Variants in DLG2 observed in about 807,000 individuals in gnomAD.
DLG2 encodes the protein discs large MAGUK scaffold protein 2.
In DLG2, 45 loss-of-function variants were observed where a neutral mutation model predicts 132.5. That is an observed-to-expected ratio of 0.34 (90% CI 0.27 to 0.44). The LOEUF is 0.44. DLG2 is among the 20% of genes least tolerant of loss of function. The pLI, the probability that DLG2 is intolerant of heterozygous loss-of-function variation, is 1.00. For synonymous variants in DLG2, 424 were observed against 419.6 expected, an observed-to-expected ratio of 1.01 and a Z score of -0.13; for missense variants, 1,045 against 1,196.9, an observed-to-expected ratio of 0.87 and a Z score of 1.87.
chr11:83,718,472 C>G (rs962979766), intron 18 of DLG2, among the ~76,000 whole-genome samples: 1 of 134,644 alleles, frequency 7.4e-6, no homozygotes, highest in Admixed American at 8.4e-5. Context: ...TGCAGTGGGC[C>G]GAGATTGTGC....
At chr11:84,735,489 T>C (rs903733809) in intron 6 of DLG2, among the ~76,000 whole-genome samples, 2 of 152,172 alleles carry the variant, frequency 1.3e-5, no homozygotes, top group African/African-American at 4.8e-5. Context: ...TGATATCCCT[T>C]TTATCATTTT....
intron 14 of DLG2, among the ~76,000 whole-genome samples, chr11:83,945,811 T>TGTGC (rs1253338255): frequency 2.1e-5 from 3 of 142,550 alleles, no homozygotes; most frequent in Non-Finnish European, 3.0e-5. Flanking sequence ...TGCCTCTGTG[T>TGTGC]GTGTGTGTGT....
intron 6 of DLG2, among the ~76,000 whole-genome samples, chr11:84,541,184 GTAT>G (rs147766940): frequency 0.18 from 25,217 of 143,410 alleles, 2,186 homozygotes; most frequent in Middle Eastern, 0.22. Flanking sequence ...AGAACTTGAA[GTAT>G]TATAATAATA....
At chr11:85,082,130 T>C (rs756379073) in intron 6 of DLG2, among the ~76,000 whole-genome samples, 22 of 152,188 alleles carry the variant, frequency 1.4e-4, no homozygotes, top group Admixed American at 3.3e-4. Flanking sequence ...AAAAAATCTA[T>C]GCCTTCTTTT....
intron 6 of DLG2, among the ~76,000 whole-genome samples, chr11:84,558,799 T>C (rs570880168): frequency 3.9e-5 from 6 of 152,158 alleles, no homozygotes; most frequent in Non-Finnish European, 7.4e-5. Flanking sequence ...GTGAAGGCTA[T>C]TGATTCCTTA....
At chr11:84,669,590 C>G (rs2099703523) in intron 6 of DLG2, among the ~76,000 whole-genome samples, 1 of 152,112 alleles carries the variant, frequency 6.6e-6, no homozygotes, top group South Asian at 2.1e-4. Flanking sequence ...TACGGAAGAA[C>G]AATATGCTTT....
chr11:83,476,529 C>A (rs940771079), intron 22 of DLG2, among the ~76,000 whole-genome samples: 4 of 152,096 alleles, frequency 2.6e-5, no homozygotes, highest in Non-Finnish European at 5.9e-5. Flanking sequence ...AAATTCATGG[C>A]AAATTGTCTC....
chr11:85,289,754 G>C (rs1647614020), intron 3 of DLG2, among the ~76,000 whole-genome samples: 1 of 152,066 alleles, frequency 6.6e-6, no homozygotes, highest in African/African-American at 2.4e-5. Context: ...CTGAACACTT[G>C]GTTCTGCTTA....
At chr11:84,266,870 T>C (rs2097645377) in intron 7 of DLG2, among the ~76,000 whole-genome samples, 1 of 152,234 alleles carries the variant, frequency 6.6e-6, no homozygotes, top group Admixed American at 6.5e-5. Context: ...ATTCCATCTA[T>C]GCAGATTTAC....
intron 6 of DLG2, among the ~76,000 whole-genome samples, chr11:85,029,999 C>T (rs1174566370): frequency 6.6e-6 from 1 of 152,144 alleles, no homozygotes; most frequent in African/African-American, 2.4e-5. Flanking sequence ...TGTTTCTGTA[C>T]CTCACTTCTG....
chr11:84,538,379 T>A (rs1406870449), intron 6 of DLG2, among the ~76,000 whole-genome samples: 1 of 152,214 alleles, frequency 6.6e-6, no homozygotes, highest in Non-Finnish European at 1.5e-5. Flanking sequence ...AAGGCTCATA[T>A]CTGCATACTT....
intron 7 of DLG2, among the ~76,000 whole-genome samples, chr11:84,263,856 A>G (rs750906467): frequency 1.8e-4 from 28 of 152,226 alleles, no homozygotes; most frequent in Non-Finnish European, 3.2e-4. Flanking sequence ...GTTATCCATC[A>G]GTAATCTGTA....
intron 6 of DLG2, among the ~76,000 whole-genome samples, chr11:85,082,512 C>CA (rs1824311790): frequency 6.6e-6 from 1 of 151,826 alleles, no homozygotes; most frequent in Non-Finnish European, 1.5e-5. Flanking sequence ...TAAACTCCAC[C>CA]AAAAAAGCAG....
chr11:84,223,958 C>G (rs2096953638), intron 8 of DLG2, among the ~76,000 whole-genome samples: 1 of 152,202 alleles, frequency 6.6e-6, no homozygotes, highest in East Asian at 1.9e-4. Flanking sequence ...AGGAACCCAG[C>G]CTACTTTAAT....
intron 6 of DLG2, among the ~76,000 whole-genome samples, chr11:85,069,727 T>G (rs531642815): frequency 6.6e-6 from 1 of 152,250 alleles, no homozygotes; most frequent in African/African-American, 2.4e-5. Context: ...AGTTTAACCA[T>G]TGTGGAAGTC....
chr11:83,605,095 T>C (rs536248647), intron 19 of DLG2, among the ~76,000 whole-genome samples: 2 of 151,018 alleles, frequency 1.3e-5, no homozygotes, highest in East Asian at 1.9e-4. Flanking sequence ...GCCAGAAGGA[T>C]AAGGAAGTTT....
rs147818464 is a variant in DLG2, at chr11:84,961,649, C to T, written c.357+150012G>A. Reference sequence around the variant, plus strand: ...CATCCATTCACCATCATTTATGAAACTCCTGTCATGTGCCAAAAATACTGT... The same window carrying T: ...CATCCATTCACCATCATTTATGAAATTCCTGTCATGTGCCAAAAATACTGT... On this transcript the variant is annotated intron_variant, in intron 6 of 27. Transcript: ENST00000376104. Among the ~76,000 whole-genome samples, 918 of 151,940 alleles carry T rather than the reference C, an allele frequency of 6.0e-3. 2 individuals are homozygous for T. Among genetic ancestry groups the T allele is most frequent in the Non-Finnish European group, 0.011 (741 of 67,972 alleles).
At chr11:84,512,015 G>A (rs11234059) in intron 7 of DLG2, among the ~76,000 whole-genome samples, 15,381 of 152,062 alleles carry the variant, frequency 0.1, 843 homozygotes, top group South Asian at 0.18. Context: ...AACAGAGCTG[G>A]GACTTAAACT....
At chr11:84,356,079 A>C (rs994794180) in intron 7 of DLG2, among the ~76,000 whole-genome samples, 2 of 152,128 alleles carry the variant, frequency 1.3e-5, no homozygotes, top group Non-Finnish European at 2.9e-5. Context: ...CACAACATCA[A>C]AGGGTATGGG....
Sources: allele counts gnomAD v4.1 joint callset (sites outside exome capture counted in the v4.1 genomes callset), GRCh38; gene constraint gnomAD v4.1.1; transcripts MANE v1.5; gene names NCBI Gene and HGNC (gene_info 2026-07-23, HGNC 2026-07-21).